Variants in GALNT13 observed in about 807,000 individuals in gnomAD.
The protein encoded by GALNT13 is polypeptide N-acetylgalactosaminyltransferase 13, also known as UDP-GalNAc:polypeptide N-acetylgalactosaminyltransferase 13.
A neutral mutation model predicts 64.2 loss-of-function variants in GALNT13; 28 were observed. The ratio of observed to expected loss-of-function variants is 0.44; its 90% CI spans 0.32 to 0.60. The LOEUF is 0.60. Ranked by LOEUF, GALNT13 falls within the 20% of genes least tolerant of loss-of-function variation. The pLI, the probability that GALNT13 is intolerant of heterozygous loss-of-function variation, is 0.05. For missense variants in GALNT13, 577 were observed against 669.8 expected (o/e 0.86, Z 1.53); for synonymous variants, 214 against 224.6 (o/e 0.95, Z 0.42).
intron 2 of GALNT13, among the ~76,000 whole-genome samples, chr2:153,911,816 C>T (rs1688960381): frequency 6.6e-6 from 1 of 151,992 alleles, no homozygotes; most frequent in Admixed American, 6.6e-5. Flanking sequence ...GGTGACCTGT[C>T]CTTTGTCTCT....
the GALNT13 span, among the ~76,000 whole-genome samples, chr2:153,707,724 G>A: frequency 1.2e-4 from 18 of 152,258 alleles, no homozygotes; most frequent in Admixed American, 6.5e-4. Flanking sequence ...ATCATGTTCT[G>A]TGGGGCCAAT....
the GALNT13 span, among the ~76,000 whole-genome samples, chr2:153,631,721 G>A: frequency 1.3e-5 from 2 of 152,138 alleles, no homozygotes; most frequent in Non-Finnish European, 2.9e-5. Flanking sequence ...TTTGTCAGAT[G>A]AGTAGGTTGC....
At chr2:153,936,999 G>A (rs777625474) in intron 2 of GALNT13, among the ~76,000 whole-genome samples, 8 of 152,110 alleles carry the variant, frequency 5.3e-5, no homozygotes, top group Non-Finnish European at 1.2e-4. Flanking sequence ...TTACAGGCGT[G>A]AGCAACCGTG....
intron 3 of GALNT13, among the ~76,000 whole-genome samples, chr2:153,946,277 A>G (rs1425297592): frequency 6.6e-6 from 1 of 152,180 alleles, no homozygotes; most frequent in Non-Finnish European, 1.5e-5. Context: ...TCTGCCAGTA[A>G]CACAAAGGTA....
intron 3 of GALNT13, among the ~76,000 whole-genome samples, chr2:154,086,698 G>A (rs1031161253): frequency 4.0e-5 from 6 of 151,890 alleles, no homozygotes; most frequent in Non-Finnish European, 5.9e-5. Flanking sequence ...AAATTACAAC[G>A]TGGTAACTAA....
intron 3 of GALNT13, among the ~76,000 whole-genome samples, chr2:154,101,911 C>G (rs758899765): frequency 6.6e-6 from 1 of 152,050 alleles, no homozygotes; most frequent in East Asian, 1.9e-4. Flanking sequence ...AAAAGTAATT[C>G]AGGAGCAAGT....
intron 1 of GALNT13, among the ~76,000 whole-genome samples, chr2:153,892,357 A>T (rs899965919): frequency 2.6e-5 from 4 of 152,060 alleles, no homozygotes; most frequent in African/African-American, 9.7e-5. Context: ...TATAATGAGG[A>T]TATAAAAATA....
chr2:153,624,042 T>C, the GALNT13 span, among the ~76,000 whole-genome samples: 1 of 152,096 alleles, frequency 6.6e-6, no homozygotes, highest in African/African-American at 2.4e-5. Context: ...TCTTTAACAA[T>C]GAAGATGGTG....
chr2:153,359,986 A>G, the GALNT13 span, among the ~76,000 whole-genome samples: 1 of 152,196 alleles, frequency 6.6e-6, no homozygotes, highest in African/African-American at 2.4e-5. Context: ...TGCAGCAAGG[A>G]CAATAGCGGT....
At chr2:153,331,328 C>T in the GALNT13 span, among the ~76,000 whole-genome samples, 2 of 151,568 alleles carry the variant, frequency 1.3e-5, no homozygotes, top group African/African-American at 2.4e-5. Flanking sequence ...TACAGCTCCT[C>T]CTTGTACACC....
the GALNT13 span, among the ~76,000 whole-genome samples, chr2:153,296,426 T>A: frequency 6.6e-6 from 1 of 152,220 alleles, no homozygotes; most frequent in Non-Finnish European, 1.5e-5. Context: ...TTCATATTTG[T>A]TTCAGAAAAT....
At chr2:154,142,367 T>C (rs538407409) in intron 4 of GALNT13, among the ~76,000 whole-genome samples, 2 of 151,818 alleles carry the variant, frequency 1.3e-5, no homozygotes, top group East Asian at 3.9e-4. Flanking sequence ...CTGACCAATA[T>C]GGTAAAACCC....
At chr2:153,938,971 T>C (rs899044146) in intron 2 of GALNT13, among the ~76,000 whole-genome samples, 7 of 152,034 alleles carry the variant, frequency 4.6e-5, no homozygotes, top group African/African-American at 1.7e-4. Context: ...TTTAAATATA[T>C]TGGAGTGAGA....
At chr2:153,160,914 T>C in the GALNT13 span, among the ~76,000 whole-genome samples, 1 of 152,248 alleles carries the variant, frequency 6.6e-6, no homozygotes, top group Non-Finnish European at 1.5e-5. Flanking sequence ...TAAGGAGAAA[T>C]GGAAAATGAG....
chr2:153,738,086 T>C, the GALNT13 span, among the ~76,000 whole-genome samples: 1 of 152,040 alleles, frequency 6.6e-6, no homozygotes, highest in African/African-American at 2.4e-5. Context: ...CAAATATTTT[T>C]ATTTTTCTGA....
At chr2:154,298,336 A>G (rs1693050858) in intron 8 of GALNT13, among the ~76,000 whole-genome samples, 2 of 144,180 alleles carry the variant, frequency 1.4e-5, no homozygotes, top group Non-Finnish European at 1.5e-5. Context: ...GAGGAAGGGA[A>G]AGAACATATA....
chr2:153,735,977 T>A, the GALNT13 span, among the ~76,000 whole-genome samples: 1 of 152,226 alleles, frequency 6.6e-6, no homozygotes, highest in African/African-American at 2.4e-5. Context: ...TTGGAATAAA[T>A]GTTTTGTGAA....
the GALNT13 span, among the ~76,000 whole-genome samples, chr2:153,296,966 C>A: frequency 1.3e-5 from 2 of 152,108 alleles, no homozygotes; most frequent in African/African-American, 4.8e-5. Context: ...GCTTTGAAAT[C>A]TTTTAAAATT....
intron 3 of GALNT13, among the ~76,000 whole-genome samples, chr2:154,025,106 G>T (rs200645132): frequency 3.3e-5 from 5 of 152,124 alleles, no homozygotes; most frequent in South Asian, 2.1e-4. Flanking sequence ...CGCCCCTACT[G>T]GGGGGTGCCT....
Sources: gnomAD v4.1 joint callset for allele counts (sites outside exome capture counted in the v4.1 genomes callset) on GRCh38, gnomAD v4.1.1 for gene constraint, MANE v1.5 for transcripts, NCBI Gene and HGNC (gene_info 2026-07-23, HGNC 2026-07-21) for gene names.